Variants in PDE10A observed in about 807,000 individuals in gnomAD.
PDE10A encodes cAMP and cAMP-inhibited cGMP 3',5'-cyclic phosphodiesterase 10A.
Under a neutral mutation model 97.7 loss-of-function variants are expected in PDE10A, and 39 were observed. The ratio of observed to expected loss-of-function variants is 0.40; its 90% confidence interval spans 0.31 to 0.52. The LOEUF (loss-of-function observed/expected upper bound fraction) is 0.52. Among genes scored for constraint, PDE10A ranks in the 20% least tolerant of loss-of-function variants. The probability of loss-of-function intolerance (pLI) is 0.56; values close to 1 mark genes in which losing one functional copy is unlikely to be tolerated. For missense variants in PDE10A, 731 were observed against 1,047.8 expected, an observed-to-expected ratio of 0.70 and a Z score of 4.17; for synonymous variants, 371 against 376.8, an observed-to-expected ratio of 0.98 and a Z score of 0.18.
At chr6:165,599,908 C>A (rs574395875) in intron 1 of PDE10A, among the ~76,000 whole-genome samples, 3 of 152,078 alleles carry the variant, frequency 2.0e-5, no homozygotes. Context: ...TTCTTTCTAC[C>A]CGGAGGCAAA....
At position 165,946,069 on chromosome 6, in the gene PDE10A, C is replaced by CA. The variant is rs11308997; in HGVS notation, c.-615+41459dup. 9.2e-5 allele frequency among the ~76,000 whole-genome samples: 14 copies of CA among 151,746 alleles called. 1 individual carries two copies. The highest frequency in any genetic ancestry group is 7.8e-4 in the East Asian group (4 of 5,160). ...TTGCCTGTGCTTTTGGGGTCATAAC[C>CA]AAAAAAAAATCATTGCCTAGACCAA... On this transcript the variant is annotated intron_variant, in intron 1 of 19. Transcript: ENST00000366882.
At chr6:165,481,887 G>T (rs1457237148) in intron 3 of PDE10A, among the ~76,000 whole-genome samples, 1 of 152,228 alleles carries the variant, frequency 6.6e-6, no homozygotes, top group Non-Finnish European at 1.5e-5. Context: ...GCGGACATGA[G>T]TAAAGCCAGC....
At chr6:165,853,310 G>C (rs561397314) in intron 1 of PDE10A, among the ~76,000 whole-genome samples, 1 of 152,170 alleles carries the variant, frequency 6.6e-6, no homozygotes, top group Non-Finnish European at 1.5e-5. Context: ...TGTCTGGAAG[G>C]CCACTGTGTT....
intron 5 of PDE10A, among the ~76,000 whole-genome samples, chr6:165,445,216 A>T (rs1354241196): frequency 6.6e-6 from 1 of 152,252 alleles, no homozygotes; most frequent in African/African-American, 2.4e-5. Flanking sequence ...ACAGCAGATT[A>T]GATCATTTGG....
At chr6:165,447,704 T>C (rs547414581) in intron 5 of PDE10A, among the ~76,000 whole-genome samples, 24 of 152,354 alleles carry the variant, frequency 1.6e-4, no homozygotes, top group African/African-American at 5.8e-4. Context: ...ACTACCAGTG[T>C]CTGAAATATA....
At chr6:165,895,024 C>T (rs1191193054) in intron 1 of PDE10A, among the ~76,000 whole-genome samples, 1 of 152,212 alleles carries the variant, frequency 6.6e-6, no homozygotes, top group Non-Finnish European at 1.5e-5. Flanking sequence ...CTGAGAGCCA[C>T]TGGCCTAAGG....
intron 1 of PDE10A, among the ~76,000 whole-genome samples, chr6:165,673,715 T>C (rs1431926638): frequency 6.6e-6 from 1 of 152,254 alleles, no homozygotes; most frequent in African/African-American, 2.4e-5. Context: ...CTTTCTTCTT[T>C]AATGGTGAAG....
intron 1 of PDE10A, among the ~76,000 whole-genome samples, chr6:165,884,997 C>T (rs1301736361): frequency 3.9e-5 from 6 of 152,204 alleles, no homozygotes; most frequent in Admixed American, 3.9e-4. Flanking sequence ...TCCGCCTAGA[C>T]TGCGGTGCGG....
chr6:165,646,269 T>C (rs1409627749), intron 1 of PDE10A, among the ~76,000 whole-genome samples: 2 of 152,220 alleles, frequency 1.3e-5, no homozygotes, highest in African/African-American at 2.4e-5. Context: ...CATTTTCTTG[T>C]CTCTTTTTAT....
At chr6:165,615,137 G>A (rs553366771) in intron 1 of PDE10A, among the ~76,000 whole-genome samples, 1 of 149,814 alleles carries the variant, frequency 6.7e-6, no homozygotes, top group East Asian at 2.0e-4. Context: ...TTGAACCCAG[G>A]AGGCGGAGGT....
chr6:165,936,634 C>A (rs1267343541), intron 1 of PDE10A, among the ~76,000 whole-genome samples: 1 of 152,048 alleles, frequency 6.6e-6, no homozygotes, highest in East Asian at 1.9e-4. Context: ...CAATGGGAGA[C>A]AAGGAGAATT....
chr6:165,430,950 T>A lies in PDE10A; in HGVS notation c.1542+472A>T, dbSNP rs374427413. Among the ~76,000 whole-genome samples, 6 of 152,258 alleles carry A rather than the reference T, an allele frequency of 3.9e-5. No homozygotes were observed. In the East Asian group the frequency reaches 1.2e-3, roughly 29 times the overall value. Reference sequence around the variant, plus strand: ...GCTACCATGTTCTTGAACTTTAAAGTCTAACCACCAGTAAAACTATAAGTA... The same window carrying A: ...GCTACCATGTTCTTGAACTTTAAAGACTAACCACCAGTAAAACTATAAGTA... On this transcript the variant is annotated intron_variant, in intron 8 of 21. Transcript: ENST00000539869.
intron 1 of PDE10A, among the ~76,000 whole-genome samples, chr6:165,670,368 A>G (rs964082900): frequency 6.6e-6 from 1 of 152,208 alleles, no homozygotes; most frequent in African/African-American, 2.4e-5. Flanking sequence ...CTTTAAGACA[A>G]TTATATCATA....
intron 2 of PDE10A, among the ~76,000 whole-genome samples, chr6:165,485,396 A>G (rs989496675): frequency 6.1e-4 from 89 of 146,542 alleles, no homozygotes; most frequent in African/African-American, 2.2e-3. Context: ...TGAACCCAGG[A>G]GGCAGAGGTT....
At chr6:165,654,509 T>A in intron 1 of PDE10A, among the ~76,000 whole-genome samples, 1 of 152,196 alleles carries the variant, frequency 6.6e-6, no homozygotes, top group East Asian at 1.9e-4. Context: ...AGGTTCCCTC[T>A]CTGAGGAAAA....
At chr6:165,842,057 A>G (rs1316355632) in intron 1 of PDE10A, among the ~76,000 whole-genome samples, 1 of 152,266 alleles carries the variant, frequency 6.6e-6, no homozygotes, top group Non-Finnish European at 1.5e-5. Flanking sequence ...AAAAGGTTTT[A>G]TAGATGTACC....
At chr6:165,843,558 A>G (rs2128473591) in intron 1 of PDE10A, among the ~76,000 whole-genome samples, 1 of 152,254 alleles carries the variant, frequency 6.6e-6, no homozygotes, top group South Asian at 2.1e-4. Flanking sequence ...CTGCGTCCTC[A>G]ATGGTAGAAG....
chr6:165,916,634 T>C (rs1245334207), intron 1 of PDE10A, among the ~76,000 whole-genome samples: 1 of 152,224 alleles, frequency 6.6e-6, no homozygotes, highest in African/African-American at 2.4e-5. Context: ...CAGCTCCACA[T>C]GCATACTAAG....
chr6:165,948,267 A>G lies in PDE10A; in HGVS notation c.-615+39262T>C, dbSNP rs369627714. The G allele has an allele frequency of 9.9e-5, 15 of 152,232 alleles. No individual in the cohort carries two copies. The East Asian group carries it at 1.2e-3, about 12-fold the overall frequency. 9.4% of individuals were successfully genotyped at this position (152,232 alleles called of 1,614,324 possible). A position where few individuals can be genotyped will look rare whatever the true frequency, so the allele number is the denominator to read the frequency against. On this transcript the variant is annotated intron_variant, in intron 1 of 19. Transcript: ENST00000366882. ...TATCAAGTGCAGGTGGAGAGACCTC[A>G]GGATAGGTAGAGGAAGTTCCTACCA...
Sources: allele counts gnomAD v4.1 joint callset (sites outside exome capture counted in the v4.1 genomes callset), GRCh38; gene constraint gnomAD v4.1.1; transcripts MANE v1.5; gene names NCBI Gene and HGNC (gene_info 2026-07-23, HGNC 2026-07-21).